MOV10L1: variants seen among roughly 807,000 people sequenced by gnomAD.
MOV10L1 encodes the protein Mov10 like RNA helicase 1.
A neutral mutation model predicts 143.8 loss-of-function variants in MOV10L1; 110 were observed. The observed-to-expected ratio is 0.76, with a 90% confidence interval of 0.66 to 0.90. The LOEUF is 0.90. MOV10L1 is among the 40% of genes least tolerant of loss of function. MOV10L1 has a pLI of 0.00. For synonymous variants in MOV10L1, 593 were observed against 581.1 expected (o/e 1.02, Z -0.29); for missense variants, 1,406 against 1,526.8 (o/e 0.92, Z 1.32).
chr22:50,120,013 A>G (rs1335403870), intron 9 of MOV10L1, among the ~76,000 whole-genome samples: 1 of 152,014 alleles, frequency 6.6e-6, no homozygotes, highest in Non-Finnish European at 1.5e-5. Context: ...GATGTTCTTC[A>G]TCCTGAACAA....
At chr22:50,137,357 A>G (rs541584227) in intron 15 of MOV10L1, among the ~76,000 whole-genome samples, 159 of 152,360 alleles carry the variant, frequency 1.0e-3, no homozygotes, top group African/African-American at 3.6e-3. Flanking sequence ...GAAAAATTCA[A>G]TGCCTAGAAT....
chr22:50,134,171 A>T, intron 14 of MOV10L1, 106 bp downstream of exon 14: 1 of 861,766 alleles, frequency 1.2e-6, no homozygotes, highest in Non-Finnish European at 1.7e-6. Flanking sequence ...TATTAGAAGT[A>T]AAACTTTTGT....
At chr22:50,098,027 G>T (rs1056480797) in intron 2 of MOV10L1, among the ~76,000 whole-genome samples, 2 of 151,848 alleles carry the variant, frequency 1.3e-5, no homozygotes, top group Non-Finnish European at 2.9e-5. Context: ...AGTAGAGATG[G>T]GGTTTCACCA....
intron 6 of MOV10L1, 101 bp downstream of exon 6, chr22:50,113,889 T>G: frequency 8.7e-7 from 1 of 1,148,310 alleles, no homozygotes; most frequent in East Asian, 2.8e-5. Context: ...GGTCATTTAT[T>G]TTTTTCTTTA....
intron 9 of MOV10L1, among the ~76,000 whole-genome samples, chr22:50,119,815 A>T (rs1478573559): frequency 6.6e-6 from 1 of 151,712 alleles, no homozygotes; most frequent in Non-Finnish European, 1.5e-5. Context: ...CTTGGGTGAG[A>T]CTGCACTGAA....
chr22:50,115,947 C>T (rs1171770095), intron 8 of MOV10L1, among the ~76,000 whole-genome samples: 1 of 152,204 alleles, frequency 6.6e-6, no homozygotes, highest in Non-Finnish European at 1.5e-5. Flanking sequence ...CAGACGCCAA[C>T]CTTGAGCCCT....
chr22:50,108,661 G>T lies in MOV10L1; in HGVS notation c.560G>T (p.Cys187Phe). ...PLRYKRVDKV[C>F]ISSLCGRNGV... ...CGCTCAGCTCTCTGCTCCCAGGTCT[G>T]CATCTCTAGCCTCTGTGGAAGGAAC... is the stretch of plus-strand genomic sequence containing the variant. The change falls in exon 5 of 27, where the codon TGC (cysteine) becomes TTC (phenylalanine). Residue 187 changes from cysteine to phenylalanine, a missense_variant. Transcript: ENST00000262794. 1 of 1,614,064 alleles carries T rather than the reference G, an allele frequency of 6.2e-7. No individual in the cohort carries two copies. Among genetic ancestry groups the T allele is most frequent in the Non-Finnish European group, 8.5e-7 (1 of 1,179,976 alleles).
intron 13 of MOV10L1, among the ~76,000 whole-genome samples, chr22:50,132,704 G>A (rs1451888913): frequency 6.6e-6 from 1 of 152,176 alleles, no homozygotes; most frequent in Non-Finnish European, 1.5e-5. Flanking sequence ...CCTAGAGTCT[G>A]TAGAATTTTC....
chr22:50,126,122 C>G (rs1037132689), intron 11 of MOV10L1, 80 bp from the exon 12 acceptor site: 3 of 957,630 alleles, frequency 3.1e-6, no homozygotes, highest in Admixed American at 2.0e-5. Context: ...TGAACCTCCT[C>G]AGTGTTGGAT....
intron 12 of MOV10L1, among the ~76,000 whole-genome samples, chr22:50,128,156 C>T (rs1017332554): frequency 1.3e-5 from 2 of 152,186 alleles, no homozygotes; most frequent in African/African-American, 2.4e-5. Flanking sequence ...GAGTCAGTGA[C>T]CTCCCACACA....
Position 50,117,336 on chromosome 22 carries a change from T to TGACC in MOV10L1, c.1441_1444dup (p.Ala482AspfsTer23). The TGACC allele has an allele frequency of 6.2e-7, 1 of 1,613,796 alleles. No homozygotes were observed. Among genetic ancestry groups the TGACC allele is most frequent in the Non-Finnish European group, 8.5e-7 (1 of 1,179,910 alleles). ...ACATCCGCAAAAACTACAGTTGTTG[T>TGACC]GACCGCACAGAAAAGGTACCATAAC... On this transcript the variant is annotated frameshift_variant, in exon 9 of 27. Transcript: ENST00000262794. LOFTEE classifies it high-confidence loss of function.
intron 2 of MOV10L1, chr22:50,095,994 T>A (rs2062578516): frequency 6.6e-6 from 1 of 152,362 alleles, no homozygotes; most frequent in East Asian, 1.9e-4. Context: ...CCCCATTTGG[T>A]ATAAACCTGA....
In MOV10L1 at chr22:50,158,445, A is replaced by G; in HGVS notation, c.3216+239A>G. ...AGCCTCGAACAGTTTTTACATTTCT[A>G]AATGGTTACATTTATATGTCCCTTG... On this transcript the variant is annotated intron_variant, in intron 23 of 26. Transcript: ENST00000262794. This position sits in a 1 kb window ranked among gnomAD's most constrained non-coding sequence, Gnocchi z 5.0. The G allele has an allele frequency of 1.9e-6, 1 of 522,586 alleles. No individual in the cohort carries two copies. Among genetic ancestry groups the G allele is most frequent in the Non-Finnish European group, 3.4e-6 (1 of 297,232 alleles). The allele number at this position is 522,586 out of a possible 1,614,324, so 32.4% of individuals were successfully genotyped here.
chr22:50,091,182 C>T (rs529159130), intron 1 of MOV10L1: 6 of 167,852 alleles, frequency 3.6e-5, no homozygotes, highest in African/African-American at 9.6e-5. Context: ...GCACTTGCTC[C>T]GTGGATCTCT....
At chr22:50,139,282 A>G (rs1000389436) in intron 15 of MOV10L1, among the ~76,000 whole-genome samples, 10 of 152,112 alleles carry the variant, frequency 6.6e-5, no homozygotes, top group Non-Finnish European at 1.3e-4. Flanking sequence ...CTATGCATCT[A>G]GGAAACAGCA....
At chr22:50,111,440 G>A (rs945586602) in intron 5 of MOV10L1, among the ~76,000 whole-genome samples, 1 of 128,728 alleles carries the variant, frequency 7.8e-6, no homozygotes, top group African/African-American at 2.9e-5. Context: ...TTCTGGCTGA[G>A]TTTTTTCCTT....
chr22:50,090,838 G>A (rs1480232812), intron 1 of MOV10L1: 10 of 295,542 alleles, frequency 3.4e-5, no homozygotes, highest in African/African-American at 2.0e-4. Context: ...CACCACGCCC[G>A]GCTAATTTTT....
rs2062384519 is a variant in MOV10L1, at chr22:50,090,066, G to T, written c.-23G>T. Reference sequence around the variant, plus strand: ...GCGGGCGGCGGCAGCGGCGGTGACGGCAGCCTAGGCCGGGCGAGGGCCATG... The same window carrying T: ...GCGGGCGGCGGCAGCGGCGGTGACGTCAGCCTAGGCCGGGCGAGGGCCATG... On this transcript the variant is annotated 5_prime_UTR_variant, in exon 1 of 27. Transcript: ENST00000262794. The T allele has an allele frequency of 2.3e-5, 28 of 1,244,418 alleles. No individual in the cohort carries two copies. Among genetic ancestry groups the T allele is most frequent in the Non-Finnish European group, 2.7e-5 (27 of 990,964 alleles). 77.1% of individuals were successfully genotyped at this position (1,244,418 alleles called of 1,614,324 possible). A position where few individuals can be genotyped will look rare whatever the true frequency, so the allele number is the denominator to read the frequency against.
Position 50,090,050 on chromosome 22 carries a change from G to A in MOV10L1, c.-39G>A, listed in dbSNP as rs1389607276. 9.9e-6 allele frequency: 12 copies of A among 1,210,930 alleles called. No homozygotes were observed. The highest frequency in any genetic ancestry group is 4.7e-5 in the Admixed American group (1 of 21,086). 75.0% of individuals were successfully genotyped at this position (1,210,930 alleles called of 1,614,324 possible). On this transcript the variant is annotated 5_prime_UTR_variant, in exon 1 of 27. Transcript: ENST00000262794. ...AGCGGCGCGGGCGCGTGCGGGCGGC[G>A]GCAGCGGCGGTGACGGCAGCCTAGG... is the stretch of plus-strand genomic sequence containing the variant.
Sources: allele counts gnomAD v4.1 joint callset (sites outside exome capture counted in the v4.1 genomes callset), GRCh38; gene constraint gnomAD v4.1.1; non-coding constraint Gnocchi (gnomAD v3.1); transcripts MANE v1.5; gene names NCBI Gene and HGNC (gene_info 2026-07-23, HGNC 2026-07-21).